The following MYH16 variants were observed in gnomAD, a reference collection of about 807,000 sequenced individuals.
MYH16 encodes putative uncharacterized protein MYH16.
intron 2 of MYH16, among the ~76,000 whole-genome samples, chr7:99,245,599 C>G (rs962041086): frequency 1.3e-5 from 2 of 152,152 alleles, no homozygotes; most frequent in African/African-American, 4.8e-5. Context: ...ACAGTCTCAC[C>G]TCATTGCAAC....
chr7:99,303,484 C>G (rs540171680), intron 39 of MYH16, among the ~76,000 whole-genome samples: 1 of 152,252 alleles, frequency 6.6e-6, no homozygotes, highest in Non-Finnish European at 1.5e-5. Context: ...ATCTGGGCAG[C>G]CTTTTTGGCA....
At chr7:99,275,338 C>T (rs544642270) in intron 20 of MYH16, among the ~76,000 whole-genome samples, 1 of 152,072 alleles carries the variant, frequency 6.6e-6, no homozygotes, top group African/African-American at 2.4e-5. Context: ...TGCTACATTA[C>T]CCCAGCCAGT....
At chr7:99,268,237 A>G (rs1355357864) in intron 18 of MYH16, among the ~76,000 whole-genome samples, 3 of 152,142 alleles carry the variant, frequency 2.0e-5, no homozygotes, top group Non-Finnish European at 4.4e-5. Context: ...CTTGCGGGGG[A>G]CACTTGAGGT....
At chr7:99,301,322 G>A (rs1234848109) in intron 37 of MYH16, among the ~76,000 whole-genome samples, 1 of 152,122 alleles carries the variant, frequency 6.6e-6, no homozygotes, top group East Asian at 1.9e-4. Flanking sequence ...GGAGAAGGCT[G>A]TGCTGGGAAC....
rs201230482 is a variant in MYH16 at position 99,302,317 on chromosome 7, T to TACACACACACAC, written n.5137+549_5137+560dup. ...ACCATCTCAAAAAAAAAAAAATATATACACACACACACACACACACACACA... is the reference window on the plus strand; with the variant it reads ...ACCATCTCAAAAAAAAAAAAATATATACACACACACACACACACACACACACACACACACACA... On this transcript the variant is annotated intron_variant and non_coding_transcript_variant, in intron 38 of 41. Coordinates refer to ENST00000439784, the Ensembl canonical transcript of MYH16. Among the ~76,000 whole-genome samples, 16 of 95,568 alleles carry TACACACACACAC rather than the reference T, an allele frequency of 1.7e-4. 1 individual carries two copies. The highest frequency in any genetic ancestry group is 2.4e-4 in the Non-Finnish European group (12 of 50,836). 62.7% of individuals were successfully genotyped at this position (95,568 alleles called of 152,430 possible).
chr7:99,294,567 AT>A (rs1161923361), intron 33 of MYH16, among the ~76,000 whole-genome samples: 3 of 143,672 alleles, frequency 2.1e-5, no homozygotes, highest in Admixed American at 7.0e-5. Flanking sequence ...ATATATATAT[AT>A]TTTTTTTCTT....
At chr7:99,281,045 G>A in intron 23 of MYH16, 65 bp downstream of exon 5, 2 of 243,524 alleles carry the variant, frequency 8.2e-6, no homozygotes, top group South Asian at 6.9e-5. Flanking sequence ...GCTTTCCATT[G>A]GAGACTGGAG....
intron 30 of MYH16, among the ~76,000 whole-genome samples, chr7:99,290,544 A>G (rs1792356471): frequency 6.6e-6 from 1 of 151,034 alleles, no homozygotes; most frequent in Non-Finnish European, 1.5e-5. Context: ...TCATGCCTGT[A>G]ATCCCAGCAC....
At position 99,289,899 on chromosome 7, in the gene MYH16, G is replaced by C. The variant is rs531151947; in HGVS notation, n.3824+495G>C. Among the ~76,000 whole-genome samples, 88 of 152,196 alleles carry C rather than the reference G, an allele frequency of 5.8e-4. No homozygotes were observed. In the Middle Eastern group the frequency reaches 0.014, roughly 24 times the overall value. ...ATAGGACAATAATCCTGTGACCTCT[G>C]GGTTTAGTTTAGGATTTTTTTTTTC... On this transcript the variant is annotated intron_variant and non_coding_transcript_variant, in intron 30 of 41. Coordinates refer to ENST00000439784, the Ensembl canonical transcript of MYH16.
exon 29 of MYH16, chr7:99,288,043 A>T (rs1317733047): frequency 2.2e-6 from 1 of 456,664 alleles, no homozygotes; most frequent in Non-Finnish European, 4.4e-6. Context: ...GAGAGCCTGC[A>T]GAGGGTCAAG....
At chr7:99,285,022 G>A in intron 26 of MYH16, 87 bp downstream of exon 8, 1 of 447,820 alleles carries the variant, frequency 2.2e-6, no homozygotes, top group Non-Finnish European at 4.5e-6. Context: ...TGGTGGCTGA[G>A]GTTTCCTGAG....
downstream of MYH16, chr7:99,306,975 A>C (rs1792691255): frequency 6.6e-6 from 1 of 152,504 alleles, no homozygotes; most frequent in Non-Finnish European, 1.5e-5. Context: ...ACCCAGTCTC[A>C]TGCAACAGGA....
At chr7:99,246,752 C>T (rs577783477) in intron 2 of MYH16, among the ~76,000 whole-genome samples, 2 of 151,590 alleles carry the variant, frequency 1.3e-5, no homozygotes, top group East Asian at 3.9e-4. Context: ...AAGAAACTAG[C>T]CCAGCATTTA....
chr7:99,247,100 G>A (rs1356090786), intron 2 of MYH16, among the ~76,000 whole-genome samples: 1 of 152,188 alleles, frequency 6.6e-6, no homozygotes, highest in Non-Finnish European at 1.5e-5. Context: ...ATATATTAAA[G>A]AGAAGCCTCA....
At chr7:99,289,224 G>A (rs1016272789) in intron 29 of MYH16, 63 bp from the exon 11 acceptor site, 1 of 236,106 alleles carries the variant, frequency 4.2e-6, no homozygotes, top group Non-Finnish European at 9.3e-6. Flanking sequence ...TCAAAGGGGA[G>A]GTAGGGAGGG....
chr7:99,282,660 G>A (rs1251764127), intron 23 of MYH16, among the ~76,000 whole-genome samples: 1 of 151,576 alleles, frequency 6.6e-6, no homozygotes, highest in Non-Finnish European at 1.5e-5. Flanking sequence ...TTTTTGAGAT[G>A]GAGCTTCGCA....
exon 24 of MYH16, chr7:99,283,639 G>A (rs768349081): frequency 1.8e-4 from 80 of 456,456 alleles, no homozygotes; most frequent in Non-Finnish European, 2.9e-4. Flanking sequence ...AGCTGAGCAC[G>A]CAGATCCATG....
chr7:99,278,743 G>A (rs184306589), intron 21 of MYH16, among the ~76,000 whole-genome samples: 7 of 152,348 alleles, frequency 4.6e-5, no homozygotes, highest in South Asian at 2.1e-4. Flanking sequence ...CTCTGTAGCC[G>A]TGAGCATGTG....
At chr7:99,253,869 T>G (rs1279771962) in intron 8 of MYH16, 1 of 160,244 alleles carries the variant, frequency 6.2e-6, no homozygotes, top group African/African-American at 2.4e-5. Context: ...ACCTTGCTTT[T>G]CTTCTTTTCC....
Sources: allele counts gnomAD v4.1 joint callset (sites outside exome capture counted in the v4.1 genomes callset), GRCh38; gene constraint gnomAD v4.1.1; transcripts MANE v1.5; gene names NCBI Gene and HGNC (gene_info 2026-07-23, HGNC 2026-07-21).